Variants in DLG2 observed in about 807,000 individuals in gnomAD.
DLG2 encodes the protein discs large MAGUK scaffold protein 2.
In DLG2, 45 loss-of-function variants were observed where a neutral mutation model predicts 132.5. That is an observed-to-expected ratio of 0.34 (90% CI 0.27 to 0.44). DLG2 has a LOEUF of 0.44. Among genes scored for constraint, DLG2 ranks in the 20% least tolerant of loss-of-function variants. The pLI, the probability that DLG2 is intolerant of heterozygous loss-of-function variation, is 1.00. For missense variants in DLG2, 1,045 were observed against 1,196.9 expected, an observed-to-expected ratio of 0.87 and a Z score of 1.87; for synonymous variants, 424 against 419.6, an observed-to-expected ratio of 1.01 and a Z score of -0.13.
At chr11:85,394,903 G>A (rs1211044254) in intron 3 of DLG2, among the ~76,000 whole-genome samples, 1 of 152,152 alleles carries the variant, frequency 6.6e-6, no homozygotes, top group African/African-American at 2.4e-5. Flanking sequence ...GATGAATATA[G>A]CATTCTTGCC....
At chr11:85,312,165 C>A (rs1048591030) in intron 3 of DLG2, among the ~76,000 whole-genome samples, 2 of 151,926 alleles carry the variant, frequency 1.3e-5, no homozygotes, top group Non-Finnish European at 2.9e-5. Flanking sequence ...AATTATCTCA[C>A]ATGTAAGATT....
intron 7 of DLG2, among the ~76,000 whole-genome samples, chr11:84,418,554 C>T (rs189655405): frequency 2.0e-5 from 3 of 152,234 alleles, no homozygotes; most frequent in African/African-American, 7.2e-5. Context: ...CTGGTGGAGT[C>T]CATGCTTTTA....
chr11:84,049,067 A>C (rs553831402), intron 11 of DLG2, among the ~76,000 whole-genome samples: 4 of 151,792 alleles, frequency 2.6e-5, no homozygotes, highest in Middle Eastern at 3.4e-3. Context: ...CCTCACATCA[A>C]GACTGGATAG....
chr11:84,078,045 A>G (rs2096852169), intron 10 of DLG2, among the ~76,000 whole-genome samples: 1 of 152,210 alleles, frequency 6.6e-6, no homozygotes, highest in Admixed American at 6.5e-5. Context: ...AATCACTAAA[A>G]TATATTATGA....
intron 4 of DLG2, among the ~76,000 whole-genome samples, chr11:85,155,526 T>C (rs1419769668): frequency 6.6e-6 from 1 of 152,116 alleles, no homozygotes; most frequent in Non-Finnish European, 1.5e-5. Context: ...CTTTAGGAAC[T>C]GGGTAGTAAA....
rs573692803 is a variant in DLG2 at position 85,434,713 on chromosome 11, A to G, written c.41-149348T>C. 3.3e-5 allele frequency among the ~76,000 whole-genome samples: 5 copies of G among 152,348 alleles called. No homozygotes were observed. In the South Asian group the frequency reaches 1.0e-3, roughly 32 times the overall value. On this transcript the variant is annotated intron_variant, in intron 3 of 27. Coordinates refer to ENST00000376104, the MANE Select transcript of DLG2 (RefSeq NM_001142699.3). ...TACCAACCAAAAAAAGCCCAGGATC[A>G]GATTGATTCCCAGCCAAATTCTACC...
intron 3 of DLG2, among the ~76,000 whole-genome samples, chr11:85,439,896 G>T (rs1465782378): frequency 6.6e-6 from 1 of 152,110 alleles, no homozygotes; most frequent in Non-Finnish European, 1.5e-5. Flanking sequence ...AGAATATAAA[G>T]TATAGATTAG....
intron 18 of DLG2, among the ~76,000 whole-genome samples, chr11:83,762,060 C>A (rs34520201): frequency 0.053 from 8,130 of 152,182 alleles, 243 homozygotes; most frequent in Middle Eastern, 0.11. Flanking sequence ...GAGCTCAAAG[C>A]AGATGATATG....
At chr11:84,417,406 G>A (rs564157663) in intron 7 of DLG2, among the ~76,000 whole-genome samples, 307 of 152,220 alleles carry the variant, frequency 2.0e-3, no homozygotes, top group African/African-American at 2.6e-3. Context: ...CAATACATGC[G>A]AATTTCCTTC....
intron 8 of DLG2, among the ~76,000 whole-genome samples, chr11:84,207,227 T>C (rs1196791723): frequency 6.6e-6 from 1 of 152,034 alleles, no homozygotes; most frequent in African/African-American, 2.4e-5. Flanking sequence ...TTTTTAAGTT[T>C]ACTTGAAAAG....
intron 3 of DLG2, among the ~76,000 whole-genome samples, chr11:85,324,318 T>C (rs1032879930): frequency 2.6e-5 from 4 of 152,160 alleles, no homozygotes; most frequent in African/African-American, 9.7e-5. Flanking sequence ...CTATCTAGCT[T>C]TCCTGCTAGA....
intron 18 of DLG2, among the ~76,000 whole-genome samples, chr11:83,688,601 A>G (rs999500012): frequency 2.0e-5 from 3 of 152,118 alleles, no homozygotes; most frequent in African/African-American, 4.8e-5. Context: ...GTGGCAGTCT[A>G]TTTTTATGAA....
intron 2 of DLG2, among the ~76,000 whole-genome samples, chr11:85,617,496 A>C (rs1358449093): frequency 1.3e-5 from 2 of 152,212 alleles, no homozygotes; most frequent in Non-Finnish European, 2.9e-5. Flanking sequence ...AATATATTTT[A>C]AGATTCATAC....
chr11:85,147,358 A>C (rs1453316913), intron 5 of DLG2, among the ~76,000 whole-genome samples: 3 of 152,064 alleles, frequency 2.0e-5, no homozygotes, highest in Admixed American at 1.3e-4. Context: ...GTGGTTTCTC[A>C]TTGTAGTTTT....
intron 6 of DLG2, among the ~76,000 whole-genome samples, chr11:84,906,413 C>CACACACACAG (rs1555291378): frequency 1.3e-5 from 2 of 149,656 alleles, no homozygotes; most frequent in Non-Finnish European, 3.0e-5. Context: ...CACACACACA[C>CACACACACAG]AGAGAGCCAA....
intron 6 of DLG2, among the ~76,000 whole-genome samples, chr11:84,596,594 T>C (rs76327489): frequency 6.6e-6 from 1 of 151,932 alleles, no homozygotes. Context: ...ATGAAGGCAT[T>C]TCTAACAATT....
chr11:84,804,727 C>A (rs1242151371), intron 6 of DLG2, among the ~76,000 whole-genome samples: 1 of 152,158 alleles, frequency 6.6e-6, no homozygotes, highest in African/African-American at 2.4e-5. Flanking sequence ...TAACTGTCCT[C>A]CTCCAGAAAA....
At chr11:85,204,415 G>T (rs1313872235) in intron 4 of DLG2, among the ~76,000 whole-genome samples, 1 of 152,008 alleles carries the variant, frequency 6.6e-6, no homozygotes, top group Non-Finnish European at 1.5e-5. Context: ...AAGAAACCAA[G>T]AAGGCAATCC....
intron 3 of DLG2, among the ~76,000 whole-genome samples, chr11:85,428,815 T>A (rs1355731504): frequency 6.6e-6 from 1 of 152,070 alleles, no homozygotes; most frequent in African/African-American, 2.4e-5. Flanking sequence ...CAAAAAACCC[T>A]TCAAAAAATC....
Sources: allele counts gnomAD v4.1 joint callset (sites outside exome capture counted in the v4.1 genomes callset), GRCh38; gene constraint gnomAD v4.1.1; transcripts MANE v1.5; gene names NCBI Gene and HGNC (gene_info 2026-07-23, HGNC 2026-07-21).